CENPP: variants seen among roughly 807,000 people sequenced by gnomAD.
The protein encoded by CENPP is centromere protein P.
Under a neutral mutation model 35.6 loss-of-function variants are expected in CENPP, and 24 were observed. The ratio of observed to expected loss-of-function variants is 0.67; its 90% CI spans 0.49 to 0.95. The LOEUF is 0.95. Among genes scored for constraint, CENPP ranks in the 40% least tolerant of loss-of-function variants. CENPP has a pLI of 0.00. For synonymous variants in CENPP, 120 were observed against 125.5 expected, an observed-to-expected ratio of 0.96 and a Z score of 0.29; for missense variants, 332 against 345.3, an observed-to-expected ratio of 0.96 and a Z score of 0.31.
At chr9:92,342,950 C>T (rs1841169057) in intron 3 of CENPP, among the ~76,000 whole-genome samples, 1 of 152,094 alleles carries the variant, frequency 6.6e-6, no homozygotes, top group Non-Finnish European at 1.5e-5. Context: ...ATACTGAGCA[C>T]ATTTTTACAT....
intron 5 of CENPP, chr9:92,502,384 G>A (rs568087825): frequency 3.4e-6 from 4 of 1,179,858 alleles, no homozygotes; most frequent in Admixed American, 2.6e-5. Flanking sequence ...ACTAAGAAAC[G>A]ATTCTGTCTC....
At chr9:92,473,794 A>C (rs1845611850) in intron 5 of CENPP, among the ~76,000 whole-genome samples, 1 of 152,150 alleles carries the variant, frequency 6.6e-6, no homozygotes, top group African/African-American at 2.4e-5. Context: ...TAAGGTCTCT[A>C]GAGTAGATTA....
chr9:92,552,742 T>C (rs1263798087), intron 5 of CENPP, among the ~76,000 whole-genome samples: 1 of 152,122 alleles, frequency 6.6e-6, no homozygotes, highest in African/African-American at 2.4e-5. Flanking sequence ...TGGTTATTAG[T>C]GCTTTGTCAG....
chr9:92,576,966 A>G (rs1252364750), intron 5 of CENPP, among the ~76,000 whole-genome samples: 1 of 152,232 alleles, frequency 6.6e-6, no homozygotes, highest in Non-Finnish European at 1.5e-5. Flanking sequence ...CCATTAATAA[A>G]AGAAAAGCAA....
At chr9:92,357,202 G>GT (rs1564276358) in intron 4 of CENPP, among the ~76,000 whole-genome samples, 1 of 149,040 alleles carries the variant, frequency 6.7e-6, no homozygotes, top group Non-Finnish European at 1.5e-5. Flanking sequence ...CTTTTTTTTT[G>GT]TTTTTTTAAA....
At position 92,414,545 on chromosome 9, in the gene CENPP, T is replaced by G. The variant is rs1843531084; in HGVS notation, c.564+34686T>G. On this transcript the variant is annotated intron_variant, in intron 5 of 7. Coordinates refer to ENST00000375587, the MANE Select transcript of CENPP (RefSeq NM_001012267.3). ...AAGATTAGTTAATTTTGTGAATCTG[T>G]ATGCCTTGGGTCCTTAGTACCTGGA... 1.4e-5 allele frequency: 3 copies of G among 209,536 alleles called. No homozygotes were observed. In the South Asian group the frequency reaches 5.6e-4, roughly 39 times the overall value. The allele number at this position is 209,536 out of a possible 1,614,324, so 13.0% of individuals were successfully genotyped here.
intron 5 of CENPP, among the ~76,000 whole-genome samples, chr9:92,450,716 T>G (rs1163437820): frequency 3.9e-5 from 6 of 152,152 alleles, no homozygotes; most frequent in Non-Finnish European, 8.8e-5. Context: ...CTACCAACAG[T>G]GTAAAAGTGT....
intron 5 of CENPP, among the ~76,000 whole-genome samples, chr9:92,485,548 G>A (rs568505669): frequency 1.3e-5 from 2 of 152,266 alleles, no homozygotes; most frequent in Admixed American, 6.5e-5. Context: ...AAAATAAATT[G>A]CCTAATCTAA....
At chr9:92,480,711 G>T (rs1845881909) in intron 5 of CENPP, among the ~76,000 whole-genome samples, 1 of 152,026 alleles carries the variant, frequency 6.6e-6, no homozygotes, top group African/African-American at 2.4e-5. Context: ...ATGTTTAAAG[G>T]CCCGCTTGGC....
chr9:92,610,248 G>A (rs934294017), intron 5 of CENPP, among the ~76,000 whole-genome samples: 2 of 152,138 alleles, frequency 1.3e-5, no homozygotes, highest in African/African-American at 2.4e-5. Context: ...TAGAGACAGG[G>A]TTTCACTGTG....
At chr9:92,515,135 G>A (rs1236018738) in intron 5 of CENPP, 21 of 1,611,634 alleles carry the variant, frequency 1.3e-5, no homozygotes, top group African/African-American at 4.0e-5. Context: ...GGTTCTCTTT[G>A]TTCTGAAGAA....
intron 5 of CENPP, among the ~76,000 whole-genome samples, chr9:92,610,119 G>C (rs1211799885): frequency 6.6e-6 from 1 of 152,126 alleles, no homozygotes; most frequent in Admixed American, 6.5e-5. Context: ...GCAGTGGTGC[G>C]ATCTCAGCTC....
intron 5 of CENPP, chr9:92,493,989 C>CA (rs1413578641): frequency 3.9e-6 from 5 of 1,296,520 alleles, no homozygotes; most frequent in Non-Finnish European, 5.4e-6. Flanking sequence ...TGGCGGCCCT[C>CA]AGGCCCCAGT....
intron 5 of CENPP, among the ~76,000 whole-genome samples, chr9:92,588,381 G>A (rs1480568422): frequency 6.6e-6 from 1 of 151,302 alleles, no homozygotes; most frequent in African/African-American, 2.4e-5. Context: ...CCGAGTAGCT[G>A]GGACTACAGA....
intron 5 of CENPP, among the ~76,000 whole-genome samples, chr9:92,520,044 G>A (rs1011775739): frequency 2.6e-5 from 4 of 151,256 alleles, no homozygotes; most frequent in African/African-American, 9.8e-5. Context: ...CACTTTGGGA[G>A]GCCAAGGAGG....
chr9:92,343,761 C>T (rs1019102208), intron 3 of CENPP, among the ~76,000 whole-genome samples: 2 of 152,002 alleles, frequency 1.3e-5, no homozygotes, highest in Non-Finnish European at 2.9e-5. Context: ...GCCTGGGCAA[C>T]ATAGCGAGAC....
At chr9:92,375,436 G>C (rs935499362) in intron 4 of CENPP, among the ~76,000 whole-genome samples, 1 of 151,894 alleles carries the variant, frequency 6.6e-6, no homozygotes, top group Non-Finnish European at 1.5e-5. Context: ...GGGATTACAG[G>C]CACACACCAC....
At position 92,619,770 on chromosome 9, in the gene CENPP, G is replaced by T. The variant is rs1344299625; in HGVS notation, c.*6621G>T. ...GGCCAGCCCTCAGTGCCACGGGGCT[G>T]CTCAGAGGCCAGCACCGCCCCCTGA... On this transcript the variant is annotated 3_prime_UTR_variant, in exon 8 of 8. Coordinates refer to ENST00000375587, the MANE Select transcript of CENPP (RefSeq NM_001012267.3). 1.0e-5 allele frequency: 6 copies of T among 588,592 alleles called. No individual in the cohort carries two copies. Among genetic ancestry groups the T allele is most frequent in the Non-Finnish European group, 6.1e-6 (2 of 326,030 alleles). The allele number at this position is 588,592 out of a possible 1,614,324, so 36.5% of individuals were successfully genotyped here. A position where few individuals can be genotyped will look rare whatever the true frequency, so the allele number is the denominator to read the frequency against.
chr9:92,582,016 A>G (rs547976553), intron 5 of CENPP, among the ~76,000 whole-genome samples: 2 of 151,226 alleles, frequency 1.3e-5, no homozygotes, highest in East Asian at 1.9e-4. Flanking sequence ...AACACAGGGG[A>G]AAAACACTTG....
Sources: allele counts gnomAD v4.1 joint callset (sites outside exome capture counted in the v4.1 genomes callset), GRCh38; gene constraint gnomAD v4.1.1; transcripts MANE v1.5; gene names NCBI Gene and HGNC (gene_info 2026-07-23, HGNC 2026-07-21).